Variants in NPAS3 observed in about 807,000 individuals in gnomAD.
NPAS3 encodes neuronal PAS domain-containing protein 3.
Under a neutral mutation model 73.1 loss-of-function variants are expected in NPAS3, and 14 were observed. That is an observed-to-expected ratio of 0.19 (90% CI 0.13 to 0.30). The LOEUF (loss-of-function observed/expected upper bound fraction) is 0.30, where lower values mean the gene tolerates loss of function less well. NPAS3 is among the 10% of genes least tolerant of loss of function. NPAS3 has a pLI of 1.00. For synonymous variants in NPAS3, 620 were observed against 541.5 expected, an observed-to-expected ratio of 1.14 and a Z score of -2.01; for missense variants, 1,096 against 1,250.0, an observed-to-expected ratio of 0.88 and a Z score of 1.86.
At chr14:33,763,100 C>T (rs1454700434) in intron 7 of NPAS3, among the ~76,000 whole-genome samples, 1 of 152,174 alleles carries the variant, frequency 6.6e-6, no homozygotes, top group South Asian at 2.1e-4. Context: ...CCTGACCAGA[C>T]CTCAGTCTTC....
chr14:33,163,812 G>A (rs1174523167), intron 2 of NPAS3, among the ~76,000 whole-genome samples: 3 of 152,098 alleles, frequency 2.0e-5, no homozygotes, highest in East Asian at 1.9e-4. Context: ...GGCCGAATGT[G>A]CCAGGTATTT....
In NPAS3 at chr14:33,800,135, G is replaced by T. The variant is rs767887544; in HGVS notation, c.1828G>T (p.Gly610Cys). The change falls in exon 12 of 12, where the codon GGC (glycine) becomes TGC (cysteine). Residue 610 changes from glycine (G) to cysteine (C), a missense_variant. Around this residue, in one of 5 missense-constraint regions of NPAS3, gnomAD observed 698 missense variants for 676.7 expected, o/e 1.03. Transcript: ENST00000356141. The surrounding 1 kb of genome is among the most constrained non-coding windows in gnomAD (Gnocchi z 6.5). Reference sequence around the variant, plus strand: ...GAAAAGGCGGAAACGGCAAAAGGGCGGCAGCGCCAGCCGCCGGCGCCTGTC... The same window carrying T: ...GAAAAGGCGGAAACGGCAAAAGGGCTGCAGCGCCAGCCGCCGGCGCCTGTC... 2.5e-6 allele frequency: 4 copies of T among 1,583,622 alleles called. No individual in the cohort carries two copies. The highest frequency in any genetic ancestry group is 1.7e-6 in the Non-Finnish European group (2 of 1,166,510).
At chr14:33,063,985 G>C (rs530706757) in intron 2 of NPAS3, among the ~76,000 whole-genome samples, 1 of 149,812 alleles carries the variant, frequency 6.7e-6, no homozygotes. Flanking sequence ...AGGAACACAC[G>C]CTGAATTATG....
intron 5 of NPAS3, among the ~76,000 whole-genome samples, chr14:33,628,685 T>G (rs1452300516): frequency 1.3e-5 from 2 of 152,180 alleles, no homozygotes; most frequent in Admixed American, 1.3e-4. Flanking sequence ...AAGCTGGAAA[T>G]TGTAGAAATG....
chr14:33,158,196 CTT>C (rs1459430779), intron 2 of NPAS3, among the ~76,000 whole-genome samples: 1 of 152,180 alleles, frequency 6.6e-6, no homozygotes, highest in Non-Finnish European at 1.5e-5. Context: ...TGTGGTTGAT[CTT>C]TGTTAACTCC....
At chr14:33,482,811 C>T (rs541295614) in intron 4 of NPAS3, among the ~76,000 whole-genome samples, 5 of 152,234 alleles carry the variant, frequency 3.3e-5, no homozygotes, top group South Asian at 2.1e-4. Flanking sequence ...TTGGAGGTGC[C>T]GTATCTGCCT....
At chr14:33,086,409 T>C (rs902894244) in intron 2 of NPAS3, among the ~76,000 whole-genome samples, 4 of 152,180 alleles carry the variant, frequency 2.6e-5, no homozygotes, top group African/African-American at 7.2e-5. Context: ...ATTTGCTTAA[T>C]GATATTAGTA....
chr14:33,800,471 G>A lies in NPAS3; in HGVS notation c.2164G>A (p.Asp722Asn), dbSNP rs2063669108. Residue 722 changes from aspartate (D) to asparagine (N), a missense_variant, in exon 12 of 12, where the codon GAC (aspartate) becomes AAC (asparagine). Asp to Asn is a conservative substitution (Grantham distance 23). Transcript: ENST00000356141. The surrounding 1 kb of genome is among the most constrained non-coding windows in gnomAD (Gnocchi z 6.5). ...CTCGGTCCTCACCCCGCCCGGCGCCGACGGCGCGGCCGCCCGCAAGACTCA... is the reference window on the plus strand; with the variant it reads ...CTCGGTCCTCACCCCGCCCGGCGCCAACGGCGCGGCCGCCCGCAAGACTCA... The A allele has an allele frequency of 4.0e-6, 6 of 1,492,546 alleles. No homozygotes were observed. The highest frequency in any genetic ancestry group is 5.3e-6 in the Non-Finnish European group (6 of 1,127,208). 92.5% of individuals were successfully genotyped at this position (1,492,546 alleles called of 1,614,324 possible).
intron 1 of NPAS3, among the ~76,000 whole-genome samples, chr14:32,941,543 A>C (rs1956002): frequency 0.18 from 26,597 of 151,194 alleles, 2,643 homozygotes; most frequent in East Asian, 0.44. Context: ...TTGGCATTCG[A>C]AGAAGGTAAA....
intron 3 of NPAS3, among the ~76,000 whole-genome samples, chr14:33,365,840 C>A (rs2140413105): frequency 6.6e-6 from 1 of 152,250 alleles, no homozygotes; most frequent in Middle Eastern, 3.4e-3. Flanking sequence ...AGCCCACTCA[C>A]CAACTTAGTA....
intron 3 of NPAS3, among the ~76,000 whole-genome samples, chr14:33,300,345 C>T (rs2042478728): frequency 6.6e-6 from 1 of 152,176 alleles, no homozygotes; most frequent in Admixed American, 6.5e-5. Flanking sequence ...AAACAGCTTG[C>T]TTTCAACAAC....
intron 4 of NPAS3, among the ~76,000 whole-genome samples, chr14:33,492,373 A>G (rs1401237691): frequency 6.6e-6 from 1 of 152,164 alleles, no homozygotes; most frequent in African/African-American, 2.4e-5. Context: ...TGTAACTGTC[A>G]CAGGTAACAT....
chr14:33,126,372 A>G (rs937689015), intron 2 of NPAS3, among the ~76,000 whole-genome samples: 2 of 152,118 alleles, frequency 1.3e-5, no homozygotes, highest in Non-Finnish European at 2.9e-5. Context: ...TGTGTTCTAA[A>G]CTTAGTGTAG....
intron 5 of NPAS3, among the ~76,000 whole-genome samples, chr14:33,600,292 C>T (rs973193591): frequency 3.9e-5 from 6 of 152,156 alleles, no homozygotes; most frequent in African/African-American, 1.4e-4. Flanking sequence ...TCCACTCCCC[C>T]AAGGTAATTA....
intron 1 of NPAS3, among the ~76,000 whole-genome samples, chr14:32,944,775 G>A (rs1298241135): frequency 6.6e-6 from 1 of 152,132 alleles, no homozygotes; most frequent in African/African-American, 2.4e-5. Flanking sequence ...AAATGACTAG[G>A]GCAGTGACAA....
intron 2 of NPAS3, among the ~76,000 whole-genome samples, chr14:33,104,916 A>G (rs1383553127): frequency 1.3e-5 from 2 of 152,194 alleles, no homozygotes; most frequent in African/African-American, 4.8e-5. Flanking sequence ...ATGAAGAAGC[A>G]GCTATTCACT....
At chr14:33,496,831 T>C (rs1046371525) in intron 4 of NPAS3, among the ~76,000 whole-genome samples, 3 of 152,138 alleles carry the variant, frequency 2.0e-5, no homozygotes, top group Non-Finnish European at 4.4e-5. Context: ...TTCAACATAG[T>C]ATTGGAAGTT....
At chr14:33,793,854 C>T in intron 9 of NPAS3, 43 bp from the exon 10 acceptor site, 3 of 1,556,452 alleles carry the variant, frequency 1.9e-6, no homozygotes, top group South Asian at 1.2e-5. Context: ...GTTATTTGAT[C>T]CCAGTCTTAA....
At chr14:33,015,811 G>A (rs965935819) in intron 1 of NPAS3, among the ~76,000 whole-genome samples, 5 of 152,066 alleles carry the variant, frequency 3.3e-5, no homozygotes, top group African/African-American at 1.2e-4. Flanking sequence ...TTGTTTCTCT[G>A]CTTCTTTGTA....
Sources: allele counts gnomAD v4.1 joint callset (sites outside exome capture counted in the v4.1 genomes callset), GRCh38; gene constraint gnomAD v4.1.1; regional missense constraint gnomAD v4.1.1; non-coding constraint Gnocchi (gnomAD v3.1); transcripts MANE v1.5; gene names NCBI Gene and HGNC (gene_info 2026-07-23, HGNC 2026-07-21).